The following ADCYAP1 variants were observed in gnomAD, a reference collection of about 807,000 sequenced individuals.
ADCYAP1 encodes adenylate cyclase activating polypeptide 1, also known as pituitary adenylate cyclase-activating polypeptide.
A neutral mutation model predicts 18.5 loss-of-function variants in ADCYAP1; 6 were observed. The observed-to-expected ratio is 0.32, with a 90% CI of 0.18 to 0.64. The LOEUF (loss-of-function observed/expected upper bound fraction) is 0.64, where lower values mean the gene tolerates loss of function less well. Ranked by LOEUF, ADCYAP1 falls within the 30% of genes least tolerant of loss-of-function variation. The probability of loss-of-function intolerance (pLI) is 0.77; values close to 1 mark genes in which losing one functional copy is unlikely to be tolerated. For synonymous variants in ADCYAP1, 136 were observed against 113.9 expected (o/e 1.19, Z -1.24); for missense variants, 314 against 253.6 (o/e 1.24, Z -1.62).
intron 4 of ADCYAP1, 76 bp from the exon 5 acceptor site, chr18:909,370 G>A: frequency 4.1e-6 from 6 of 1,457,552 alleles, no homozygotes; most frequent in Non-Finnish European, 5.6e-6. Context: ...CGTGGGGTGG[G>A]GCCCGCCTGC....
chr18:907,967 C>G, intron 3 of ADCYAP1, 177 bp downstream of exon 3: 1 of 1,210,628 alleles, frequency 8.3e-7, no homozygotes, highest in Non-Finnish European at 1.1e-6. Context: ...GCGGGCGGGT[C>G]TGTGTGGACC....
rs1413774947 is a variant in ADCYAP1 at position 907,754 on chromosome 18, G to GCGC, written c.217_219dup (p.Ala73dup). 1.2e-5 allele frequency: 18 copies of GCGC among 1,504,122 alleles called. No homozygotes were observed. Among genetic ancestry groups the GCGC allele is most frequent in the Non-Finnish European group, 1.6e-5 (18 of 1,134,108 alleles). The allele number at this position is 1,504,122 out of a possible 1,614,324, so 93.2% of individuals were successfully genotyped here. A position where few individuals can be genotyped will look rare whatever the true frequency, so the allele number is the denominator to read the frequency against. On this transcript the variant is annotated inframe_insertion, in exon 3 of 5. Transcript: ENST00000450565. Reference sequence around the variant, plus strand: ...GCAGGGAGCCCCGCCTCCGCGCCGCGCGCCGCCGCCGCCTGGTACCGCCCG... The same window carrying GCGC: ...GCAGGGAGCCCCGCCTCCGCGCCGCGCGCCGCCGCCGCCGCCTGGTACCGCCCG...
chr18:905,575 G>C, intron 2 of ADCYAP1, 79 bp downstream of exon 2: 1 of 1,513,788 alleles, frequency 6.6e-7, no homozygotes. Flanking sequence ...CCTTCCTGCA[G>C]TCCTTTGGGT....
chr18:907,474 A>C, intron 2 of ADCYAP1, 185 bp from the exon 3 acceptor site: 1 of 576,066 alleles, frequency 1.7e-6, no homozygotes, highest in Admixed American at 4.1e-5. Context: ...GCGGGGTAGG[A>C]GTGGTTGGGT....
At chr18:908,011 C>G in intron 3 of ADCYAP1, 1 of 900,152 alleles carries the variant, frequency 1.1e-6, no homozygotes, top group Non-Finnish European at 1.6e-6. Flanking sequence ...GGGGCTGTGG[C>G]CCAAAGAGTG....
intron 4 of ADCYAP1, 78 bp from the exon 5 acceptor site, chr18:909,367 TG>T: frequency 7.1e-7 from 1 of 1,417,284 alleles, no homozygotes; most frequent in Non-Finnish European, 9.5e-7. Flanking sequence ...CCGCGTGGGG[TG>T]GGGCCCGCCT....
Position 908,347 on chromosome 18 carries a change from G to C in ADCYAP1, c.325G>C (p.Val109Leu), listed in dbSNP as rs1283560003. ...LSAGKHLQSL[V>L]ARGVGGSLGG... is the part of the protein sequence containing the mutation. ...CGCCGGGAAGCACCTGCAGTCGCTC[G>C]TGGCCCGGGGCGTGGGGTAAGAGTT... is the stretch of plus-strand genomic sequence containing the variant. Residue 109 changes from valine (V) to leucine (L), a missense_variant, in exon 4 of 5, where the codon GTG becomes CTG. Val to Leu is a conservative substitution (Grantham distance 32). Coordinates refer to ENST00000450565, the MANE Select transcript of ADCYAP1 (RefSeq NM_001099733.2). The C allele has an allele frequency of 2.5e-6, 4 of 1,612,966 alleles. No individual in the cohort carries two copies. In the South Asian group the frequency reaches 3.3e-5, roughly 13 times the overall value.
At chr18:905,936 G>A (rs1234645523) in intron 2 of ADCYAP1, 2 of 176,816 alleles carry the variant, frequency 1.1e-5, no homozygotes, top group Non-Finnish European at 2.4e-5. Flanking sequence ...TGGACTATCC[G>A]GGTGGGGTCT....
chr18:910,544 C>G lies in ADCYAP1; in HGVS notation c.*909C>G, dbSNP rs1909351933. 1 of 152,288 alleles carries G rather than the reference C, an allele frequency of 6.6e-6. No homozygotes were observed. The highest frequency in any genetic ancestry group is 1.5e-5 in the Non-Finnish European group (1 of 68,104). The allele number at this position is 152,288 out of a possible 1,614,324, so 9.4% of individuals were successfully genotyped here. A position where few individuals can be genotyped will look rare whatever the true frequency, so the allele number is the denominator to read the frequency against. Reference sequence around the variant, plus strand: ...GGACATAGAGGTATATTGGAAGAGGCAGAGCCTGAGGTGGTAGGAGGAGGA... The same window carrying G: ...GGACATAGAGGTATATTGGAAGAGGGAGAGCCTGAGGTGGTAGGAGGAGGA... On this transcript the variant is annotated 3_prime_UTR_variant, in exon 5 of 5. Coordinates refer to ENST00000450565, the MANE Select transcript of ADCYAP1 (RefSeq NM_001099733.2).
chr18:905,231 G>T, intron 1 of ADCYAP1, 155 bp from the exon 2 acceptor site: 9 of 1,464,152 alleles, frequency 6.1e-6, no homozygotes, highest in Non-Finnish European at 7.2e-6. Context: ...GCAAGAAGTG[G>T]CAGGGCGCGC....
chr18:905,782 G>A (rs1909148084), intron 2 of ADCYAP1: 3 of 487,964 alleles, frequency 6.1e-6, no homozygotes, highest in Admixed American at 3.6e-5. Context: ...CCCCAACCCG[G>A]CCCACAGGAT....
chr18:907,613 G>A, intron 2 of ADCYAP1, 46 bp from the exon 3 acceptor site: 12 of 1,552,062 alleles, frequency 7.7e-6, no homozygotes, highest in Non-Finnish European at 1.0e-5. Context: ...CCGAGCTGGG[G>A]AGGAACTTGC....
intron 2 of ADCYAP1, 144 bp downstream of exon 2, chr18:905,640 T>C: frequency 2.0e-6 from 2 of 1,003,984 alleles, no homozygotes; most frequent in Non-Finnish European, 2.9e-6. Context: ...CAGCCTCGGC[T>C]GGACAGCGGG....
intron 1 of ADCYAP1, 132 bp from the exon 2 acceptor site, chr18:905,254 C>T (rs2143102065): frequency 6.7e-7 from 1 of 1,491,506 alleles, no homozygotes; most frequent in South Asian, 1.4e-5. Flanking sequence ...CGGCTGTCGC[C>T]AAGTGCTGTT....
rs1429013217 is a variant in ADCYAP1 at position 910,395 on chromosome 18, C to T, written c.*760C>T. On this transcript the variant is annotated 3_prime_UTR_variant, in exon 5 of 5. Coordinates refer to ENST00000450565, the MANE Select transcript of ADCYAP1 (RefSeq NM_001099733.2). Reference sequence around the variant, plus strand: ...TTCTCCCCAGAATTCACGCCTCTCCCTAGGAGAAGAGTTGAGGAACTGTAC... The same window carrying T: ...TTCTCCCCAGAATTCACGCCTCTCCTTAGGAGAAGAGTTGAGGAACTGTAC... The T allele has an allele frequency of 6.6e-6, 1 of 152,248 alleles. No individual in the cohort carries two copies. Among genetic ancestry groups the T allele is most frequent in the Non-Finnish European group, 1.5e-5 (1 of 68,040 alleles). 9.4% of individuals were successfully genotyped at this position (152,248 alleles called of 1,614,324 possible). A position where few individuals can be genotyped will look rare whatever the true frequency, so the allele number is the denominator to read the frequency against.
In ADCYAP1 at chr18:910,529, G is replaced by T. The variant is rs1909351084; in HGVS notation, c.*894G>T. On this transcript the variant is annotated 3_prime_UTR_variant, in exon 5 of 5. Coordinates refer to ENST00000450565, the MANE Select transcript of ADCYAP1 (RefSeq NM_001099733.2). The stretch of plus-strand genomic sequence containing the variant: ...TTGGAACAAAGTGAAGGACATAGAG[G>T]TATATTGGAAGAGGCAGAGCCTGAG... The T allele has an allele frequency of 6.6e-6, 1 of 152,246 alleles. No homozygotes were observed. The highest frequency in any genetic ancestry group is 1.5e-5 in the Non-Finnish European group (1 of 68,078). The allele number at this position is 152,246 out of a possible 1,614,324, so 9.4% of individuals were successfully genotyped here. A position where few individuals can be genotyped will look rare whatever the true frequency, so the allele number is the denominator to read the frequency against.
intron 3 of ADCYAP1, chr18:908,005 C>T: frequency 1.1e-6 from 1 of 940,612 alleles, no homozygotes; most frequent in Non-Finnish European, 1.5e-6. Context: ...CCGAGGGGGG[C>T]TGTGGCCCAA....
At chr18:907,161 G>A (rs1909198343) in intron 2 of ADCYAP1, among the ~76,000 whole-genome samples, 1 of 152,172 alleles carries the variant, frequency 6.6e-6, no homozygotes, top group Admixed American at 6.5e-5. Context: ...CCCTGGGCTC[G>A]GAGGCTGGGG....
rs1339271923 is a variant in ADCYAP1 at position 909,905 on chromosome 18, TA to T, written c.*273del. On this transcript the variant is annotated 3_prime_UTR_variant, in exon 5 of 5. Coordinates refer to ENST00000450565, the MANE Select transcript of ADCYAP1 (RefSeq NM_001099733.2). ...ATATATATATATATATATATATATA[TA>T]AAGTATAGAGAGAAGTTCATACAAA... is the stretch of plus-strand genomic sequence containing the variant. The T allele has an allele frequency of 7.1e-5, 9 of 127,264 alleles. No homozygotes were observed. In the South Asian group the frequency reaches 1.3e-3, roughly 18 times the overall value. 7.9% of individuals were successfully genotyped at this position (127,264 alleles called of 1,614,324 possible).
Sources: gnomAD v4.1 joint callset for allele counts (sites outside exome capture counted in the v4.1 genomes callset) on GRCh38, gnomAD v4.1.1 for gene constraint, MANE v1.5 for transcripts, NCBI Gene and HGNC (gene_info 2026-07-23, HGNC 2026-07-21) for gene names.